Variants in IMPG1 observed in about 807,000 individuals in gnomAD.
The protein encoded by IMPG1 is interphotoreceptor matrix proteoglycan 1.
In IMPG1, 85 loss-of-function variants were observed where a neutral mutation model predicts 92.0. That is an observed-to-expected ratio of 0.92 (90% CI 0.78 to 1.11). IMPG1 has a LOEUF of 1.11. Ranked by LOEUF, IMPG1 falls within the 50% of genes least tolerant of loss-of-function variation. The probability of loss-of-function intolerance (pLI) is 0.00; values close to 1 mark genes in which losing one functional copy is unlikely to be tolerated. For synonymous variants in IMPG1, 367 were observed against 334.1 expected (o/e 1.10, Z -1.08); for missense variants, 1,022 against 956.0 (o/e 1.07, Z -0.91).
chr6:75,923,140 G>A (rs557411440), intron 16 of IMPG1, among the ~76,000 whole-genome samples: 1 of 152,160 alleles, frequency 6.6e-6, no homozygotes, highest in East Asian at 1.9e-4. Context: ...AGTTGATTAA[G>A]TGAATATTTT....
At chr6:75,980,804 T>A (rs1782614779) in intron 12 of IMPG1, among the ~76,000 whole-genome samples, 1 of 152,194 alleles carries the variant, frequency 6.6e-6, no homozygotes, top group African/African-American at 2.4e-5. Context: ...CAATTTGCGA[T>A]CATGTGAGCC....
chr6:76,053,835 T>C lies in IMPG1; in HGVS notation c.68-11709A>G, dbSNP rs148482267. 1.3e-3 allele frequency among the ~76,000 whole-genome samples: 196 copies of C among 152,130 alleles called. 2 individuals carry two copies. The highest frequency in any genetic ancestry group is 3.9e-3 in the African/African-American group (163 of 41,500). On this transcript the variant is annotated intron_variant, in intron 1 of 16. Transcript: ENST00000369950. ...CTATCATGTAAACTTAATCTTGGAG[T>C]ATGTTGGGAATTCTCAGTAAAGACA...
At chr6:75,989,721 T>C (rs1214020520) in intron 12 of IMPG1, among the ~76,000 whole-genome samples, 2 of 152,158 alleles carry the variant, frequency 1.3e-5, no homozygotes, top group African/African-American at 2.4e-5. Context: ...CGTGTGCCTG[T>C]AATCCCAGCT....
chr6:76,054,525 A>G (rs1462441099), intron 1 of IMPG1, among the ~76,000 whole-genome samples: 7 of 152,178 alleles, frequency 4.6e-5, no homozygotes, highest in Non-Finnish European at 8.8e-5. Flanking sequence ...AAATCAAAAG[A>G]CACAGAGGTT....
Position 76,059,993 on chromosome 6 carries a change from T to C in IMPG1, c.67+12429A>G, listed in dbSNP as rs531812253. Among the ~76,000 whole-genome samples the C allele has an allele frequency of 4.6e-5, 7 of 152,338 alleles. No individual in the cohort carries two copies. In the East Asian group the frequency reaches 1.3e-3, roughly 29 times the overall value. ...AATTAGTTCTACATGTGTTATTTTC[T>C]TCATGTAGTTAAAATATTTCTGAAG... On this transcript the variant is annotated intron_variant, in intron 1 of 16. Transcript: ENST00000369950.
At chr6:75,956,065 T>C (rs2149459622) in intron 12 of IMPG1, among the ~76,000 whole-genome samples, 1 of 152,200 alleles carries the variant, frequency 6.6e-6, no homozygotes, top group East Asian at 1.9e-4. Flanking sequence ...AATTTTTTTT[T>C]GTTGTGTCTC....
At chr6:76,040,371 C>T (rs1482862610) in intron 2 of IMPG1, among the ~76,000 whole-genome samples, 1 of 152,166 alleles carries the variant, frequency 6.6e-6, no homozygotes, top group Non-Finnish European at 1.5e-5. Flanking sequence ...GGAATAGTTG[C>T]ATTCATATTC....
At chr6:75,947,595 C>G in intron 13 of IMPG1, 62 bp from the exon 14 acceptor site, 4 of 1,049,222 alleles carry the variant, frequency 3.8e-6, no homozygotes, top group Non-Finnish European at 4.3e-6. Flanking sequence ...CTGCTAATTC[C>G]ACTTACACTC....
At chr6:76,007,289 CT>C (rs747927736) in intron 9 of IMPG1, among the ~76,000 whole-genome samples, 190 bp downstream of exon 9, 24 of 151,362 alleles carry the variant, frequency 1.6e-4, no homozygotes, top group African/African-American at 5.6e-4. Context: ...CACATAGTGA[CT>C]TTGATAAGAG....
At chr6:76,000,464 T>A (rs1353774135) in intron 12 of IMPG1, among the ~76,000 whole-genome samples, 1 of 152,230 alleles carries the variant, frequency 6.6e-6, no homozygotes, top group Non-Finnish European at 1.5e-5. Flanking sequence ...TCTTTTTGTA[T>A]GGATCCATGT....
rs1783851633 is a variant in IMPG1 at position 76,041,992 on chromosome 6, T to C, written c.202A>G (p.Thr68Ala). Residue 68 changes from threonine (T) to alanine (A), a missense_variant, in exon 2 of 17, where the codon ACA becomes GCA. Physicochemically the swap from Thr to Ala is moderately conservative, Grantham distance 58. Around this residue, in one of 3 missense-constraint regions of IMPG1, gnomAD observed 681 missense variants for 583.6 expected, o/e 1.17. Transcript: ENST00000369950. ...RRIFDLAKHR[T>A]KRSAFFPTGV... is the part of the protein sequence containing the mutation. ...GTTGGGAAAAATGCGGATCTTTTTG[T>C]TCGATGCTTTGCCAAATCGAATATT... The C allele has an allele frequency of 1.9e-6, 3 of 1,614,062 alleles. No homozygotes were observed. Among genetic ancestry groups the C allele is most frequent in the Admixed American group, 1.7e-5 (1 of 60,030 alleles).
At chr6:75,939,372 C>T (rs1012461052) in intron 14 of IMPG1, among the ~76,000 whole-genome samples, 2 of 152,102 alleles carry the variant, frequency 1.3e-5, no homozygotes, top group African/African-American at 4.8e-5. Flanking sequence ...CACAACAGGC[C>T]CCGGTGTGTG....
At chr6:76,015,918 G>A (rs575005257) in intron 7 of IMPG1, among the ~76,000 whole-genome samples, 3 of 152,024 alleles carry the variant, frequency 2.0e-5, no homozygotes, top group South Asian at 2.1e-4. Flanking sequence ...GCATGACATG[G>A]TGGTTAAGAG....
chr6:75,965,889 G>C (rs186060010), intron 12 of IMPG1, among the ~76,000 whole-genome samples: 1 of 152,148 alleles, frequency 6.6e-6, no homozygotes, highest in Non-Finnish European at 1.5e-5. Context: ...TTACAGGCAT[G>C]AGCCACCACG....
At chr6:76,018,145 G>A (rs918064667) in intron 7 of IMPG1, among the ~76,000 whole-genome samples, 1 of 152,172 alleles carries the variant, frequency 6.6e-6, no homozygotes, top group African/African-American at 2.4e-5. Flanking sequence ...TGAAATTGTG[G>A]AGAGTACCTA....
At chr6:76,071,678 T>G (rs1427658546) in intron 1 of IMPG1, among the ~76,000 whole-genome samples, 1 of 152,102 alleles carries the variant, frequency 6.6e-6, no homozygotes, top group African/African-American at 2.4e-5. Flanking sequence ...TTAAAGAAAT[T>G]CTTAACCTTA....
At chr6:76,007,872 T>C (rs1443617332) in intron 8 of IMPG1, among the ~76,000 whole-genome samples, 1 of 152,192 alleles carries the variant, frequency 6.6e-6, no homozygotes, top group Non-Finnish European at 1.5e-5. Flanking sequence ...TGCCAGAACA[T>C]TTTAAAAAAG....
At chr6:76,024,097 A>T (rs1031330223) in intron 5 of IMPG1, among the ~76,000 whole-genome samples, 11 of 152,152 alleles carry the variant, frequency 7.2e-5, no homozygotes, top group African/African-American at 2.2e-4. Context: ...CTGTCATTTT[A>T]TAATTAAAAT....
At chr6:76,066,489 G>A (rs1041436667) in intron 1 of IMPG1, among the ~76,000 whole-genome samples, 11 of 152,088 alleles carry the variant, frequency 7.2e-5, no homozygotes, top group South Asian at 2.1e-4. Flanking sequence ...TAATGATAAC[G>A]GGATCAATTT....
Sources: gnomAD v4.1 joint callset for allele counts (sites outside exome capture counted in the v4.1 genomes callset) on GRCh38, gnomAD v4.1.1 for gene constraint, gnomAD v4.1.1 regional missense constraint, MANE v1.5 for transcripts, NCBI Gene and HGNC (gene_info 2026-07-23, HGNC 2026-07-21) for gene names.